Variants in PTPRZ1 observed in about 807,000 individuals in gnomAD.
PTPRZ1 encodes protein tyrosine phosphatase receptor type Z1.
PTPRZ1 carries 82 observed loss-of-function variants against 214.1 expected under a neutral mutation model. That is an observed-to-expected ratio of 0.38 (90% CI 0.32 to 0.46). The LOEUF is 0.46. Ranked by LOEUF, PTPRZ1 falls within the 20% of genes least tolerant of loss-of-function variation. The pLI is 1.00. For missense variants in PTPRZ1, 2,603 were observed against 2,748.7 expected, an observed-to-expected ratio of 0.95 and a Z score of 1.19; for synonymous variants, 945 against 987.9, an observed-to-expected ratio of 0.96 and a Z score of 0.81.
At chr7:121,879,101 G>T (rs1402729329) in intron 1 of PTPRZ1, among the ~76,000 whole-genome samples, 1 of 152,206 alleles carries the variant, frequency 6.6e-6, no homozygotes, top group Admixed American at 6.5e-5. Flanking sequence ...GAGCTGTCAT[G>T]AATGTGATTA....
chr7:122,016,837 G>A (rs1798857098), intron 12 of PTPRZ1, among the ~76,000 whole-genome samples: 2 of 151,650 alleles, frequency 1.3e-5, no homozygotes, highest in Admixed American at 6.6e-5. Flanking sequence ...AATTATATAA[G>A]CTTACTTCGT....
At chr7:122,052,309 A>G (rs773385611) in intron 25 of PTPRZ1, among the ~76,000 whole-genome samples, 2 of 152,210 alleles carry the variant, frequency 1.3e-5, no homozygotes, top group African/African-American at 2.4e-5. Flanking sequence ...CCTCACTGAC[A>G]TCACTACTTC....
intron 1 of PTPRZ1, among the ~76,000 whole-genome samples, chr7:121,885,921 T>C (rs1794381258): frequency 6.6e-6 from 1 of 152,172 alleles, no homozygotes; most frequent in Non-Finnish European, 1.5e-5. Context: ...AGCCAAATAG[T>C]CTCTCTGCTA....
intron 1 of PTPRZ1, among the ~76,000 whole-genome samples, chr7:121,879,578 T>C (rs1193667100): frequency 2.6e-5 from 4 of 152,196 alleles, no homozygotes; most frequent in Non-Finnish European, 5.9e-5. Context: ...TCAATAGTTT[T>C]ATCATTAATC....
At chr7:122,052,532 T>C (rs1363261093) in intron 25 of PTPRZ1, among the ~76,000 whole-genome samples, 2 of 152,152 alleles carry the variant, frequency 1.3e-5, no homozygotes, top group African/African-American at 4.8e-5. Context: ...ACCTCTGTTC[T>C]ATTTATCCAG....
chr7:122,061,970 T>TGG lies in PTPRZ1; in HGVS notation c.*750_*751insGG, dbSNP rs1263563860. 2 of 152,652 alleles carry TGG rather than the reference T, an allele frequency of 1.3e-5. No individual in the cohort carries two copies. Among genetic ancestry groups the TGG allele is most frequent in the African/African-American group, 2.4e-5 (1 of 41,456 alleles). The allele number at this position is 152,652 out of a possible 1,614,324, so 9.5% of individuals were successfully genotyped here. A position where few individuals can be genotyped will look rare whatever the true frequency, so the allele number is the denominator to read the frequency against. ...AGAAGTTTTTATGAGAATAACACCT[T>TGG]ACCAAACATTGTTCAAATGGTTTTT... On this transcript the variant is annotated 3_prime_UTR_variant, in exon 30 of 30. Coordinates refer to ENST00000393386, the MANE Select transcript of PTPRZ1 (RefSeq NM_002851.3).
chr7:122,042,864 C>T (rs1387896922), intron 22 of PTPRZ1, 121 bp downstream of exon 22: 1 of 1,071,478 alleles, frequency 9.3e-7, no homozygotes, highest in Non-Finnish European at 1.4e-6. Flanking sequence ...GTTAGAACAA[C>T]AGAAGTTTAT....
intron 11 of PTPRZ1, among the ~76,000 whole-genome samples, chr7:122,005,697 AAAG>A (rs1798465443): frequency 1.3e-5 from 2 of 152,002 alleles, no homozygotes; most frequent in Admixed American, 6.6e-5. Context: ...TTAAGTCAAA[AAAG>A]AAATTATATT....
In PTPRZ1 at chr7:122,017,891, A is replaced by G. The variant is rs533354224; in HGVS notation, c.4844-1233A>G. On this transcript the variant is annotated intron_variant, in intron 12 of 29. Transcript: ENST00000393386. ...CCAGCCTGATACATTCCCTTTATTA[A>G]TGGATTAAATTCCTGTCCCTTTCTG... 5.1e-4 allele frequency among the ~76,000 whole-genome samples: 77 copies of G among 152,124 alleles called. 2 individuals carry two copies. The South Asian group carries it at 0.014, about 27-fold the overall frequency.
chr7:121,886,715 T>G (rs1794409509), intron 1 of PTPRZ1, among the ~76,000 whole-genome samples: 1 of 152,192 alleles, frequency 6.6e-6, no homozygotes, highest in Admixed American at 6.5e-5. Flanking sequence ...TCCTTTTACA[T>G]AATGTATTTC....
At chr7:122,056,419 A>G (rs998727142) in intron 27 of PTPRZ1, among the ~76,000 whole-genome samples, 18 of 151,758 alleles carry the variant, frequency 1.2e-4, no homozygotes, top group African/African-American at 4.3e-4. Context: ...CAGGAGCCCA[A>G]CCCAGGGATA....
intron 1 of PTPRZ1, among the ~76,000 whole-genome samples, chr7:121,900,245 G>A (rs1271059954): frequency 6.6e-6 from 1 of 152,264 alleles, no homozygotes; most frequent in East Asian, 1.9e-4. Flanking sequence ...ACGTGAACAA[G>A]GATCAAAGCC....
Position 121,997,900 on chromosome 7 carries a change from G to T in PTPRZ1, c.1134G>T (p.Leu378Phe), listed in dbSNP as rs1456435836. 1.2e-6 allele frequency: 2 copies of T among 1,607,942 alleles called. No individual in the cohort carries two copies. Among genetic ancestry groups the T allele is most frequent in the Admixed American group, 1.7e-5 (1 of 59,672 alleles). ...TTTAGGGTGCTATTCTCAATAATTTGCTACCCAATATGAGTTATGTTCTTC... is the reference window on the plus strand; with the variant it reads ...TTTAGGGTGCTATTCTCAATAATTTTCTACCCAATATGAGTTATGTTCTTC... ...YQDLGAILNNLLPNMSYVLQI... is the reference protein window; with the variant it reads ...YQDLGAILNNFLPNMSYVLQI... The change falls in exon 10 of 30, where the codon TTG (leucine) becomes TTT (phenylalanine). Residue 378 changes from leucine to phenylalanine, a missense_variant. By Grantham distance (22) the Leu-to-Phe change is conservative. This residue lies in a region of PTPRZ1 where 244 missense variants were observed against 333.2 expected (regional missense o/e 0.73). Transcript: ENST00000393386.
chr7:121,893,608 T>C (rs1246407765), intron 1 of PTPRZ1, among the ~76,000 whole-genome samples: 1 of 152,250 alleles, frequency 6.6e-6, no homozygotes, highest in Middle Eastern at 3.2e-3. Flanking sequence ...GCATTTATTC[T>C]GGATGGCCAG....
intron 2 of PTPRZ1, among the ~76,000 whole-genome samples, chr7:121,946,300 C>T (rs1464080211): frequency 6.6e-6 from 1 of 152,146 alleles, no homozygotes; most frequent in African/African-American, 2.4e-5. Context: ...TAACCACAGA[C>T]ATGGGAACAG....
At chr7:121,958,874 A>T (rs995614931) in intron 2 of PTPRZ1, among the ~76,000 whole-genome samples, 1 of 152,138 alleles carries the variant, frequency 6.6e-6, no homozygotes. Context: ...CCCAGGCTGG[A>T]GTGCAGTGGC....
intron 1 of PTPRZ1, among the ~76,000 whole-genome samples, chr7:121,919,509 A>G (rs1269022455): frequency 6.6e-6 from 1 of 152,056 alleles, no homozygotes; most frequent in East Asian, 1.9e-4. Flanking sequence ...AAAGCTATAA[A>G]TGTTTCTTCA....
chr7:121,881,246 A>G (rs1297499654), intron 1 of PTPRZ1, among the ~76,000 whole-genome samples: 2 of 152,200 alleles, frequency 1.3e-5, no homozygotes, highest in Non-Finnish European at 2.9e-5. Flanking sequence ...CTCGCCAGGA[A>G]TCAAATCTGC....
At chr7:121,930,175 A>G (rs1264660975) in intron 2 of PTPRZ1, among the ~76,000 whole-genome samples, 1 of 152,144 alleles carries the variant, frequency 6.6e-6, no homozygotes, top group East Asian at 1.9e-4. Flanking sequence ...GCACATCTCG[A>G]CTGTGGAGTA....
Sources: gnomAD v4.1 joint callset for allele counts (sites outside exome capture counted in the v4.1 genomes callset) on GRCh38, gnomAD v4.1.1 for gene constraint, gnomAD v4.1.1 regional missense constraint, MANE v1.5 for transcripts, NCBI Gene and HGNC (gene_info 2026-07-23, HGNC 2026-07-21) for gene names.